Variants in UBE3A observed in about 807,000 individuals in gnomAD.
UBE3A encodes the protein ubiquitin-protein ligase E3A.
Under a neutral mutation model 83.4 loss-of-function variants are expected in UBE3A, and 6 were observed. The observed-to-expected ratio is 0.07, with a 90% CI of 0.04 to 0.14. The LOEUF is 0.14. Among genes scored for constraint, UBE3A ranks in the 10% least tolerant of loss-of-function variants. The probability of loss-of-function intolerance (pLI) is 1.00; values close to 1 mark genes in which losing one functional copy is unlikely to be tolerated. For synonymous variants in UBE3A, 337 were observed against 355.4 expected (o/e 0.95, Z 0.58); for missense variants, 456 against 1,036.1 (o/e 0.44, Z 7.69).
At chr15:25,363,589 G>A (rs2078492834) in intron 6 of UBE3A, among the ~76,000 whole-genome samples, 1 of 152,130 alleles carries the variant, frequency 6.6e-6, no homozygotes. Flanking sequence ...ACAGTAAGTT[G>A]TGGAACAGAG....
intron 4 of UBE3A, among the ~76,000 whole-genome samples, chr15:25,397,941 C>T (rs1376150404): frequency 6.6e-6 from 1 of 152,098 alleles, no homozygotes; most frequent in Non-Finnish European, 1.5e-5. Context: ...CTTTGTTAGA[C>T]ATACTAAAAC....
chr15:25,408,739 TGTTTA>T, intron 3 of UBE3A: 2 of 1,439,988 alleles, frequency 1.4e-6, no homozygotes, highest in Middle Eastern at 1.8e-4. Context: ...TCTAGAGAAA[TGTTTA>T]GTTAAAACGT....
rs576965112 is a variant in UBE3A at position 25,335,450 on chromosome 15, T to C, written c.*3687A>G. On this transcript the variant is annotated 3_prime_UTR_variant, in exon 13 of 13. Transcript: ENST00000648336. ...AATGAAAAGGATTGGAAGAGGGAGA[T>C]GAGAGTCAGGGAGTGAAATTAGGCA... is the stretch of plus-strand genomic sequence containing the variant. The C allele has an allele frequency of 4.6e-5, 7 of 151,936 alleles. No homozygotes were observed. Among genetic ancestry groups the C allele is most frequent in the African/African-American group, 1.7e-4 (7 of 41,398 alleles). The allele number at this position is 151,936 out of a possible 1,614,324, so 9.4% of individuals were successfully genotyped here. A position where few individuals can be genotyped will look rare whatever the true frequency, so the allele number is the denominator to read the frequency against.
intron 3 of UBE3A, chr15:25,408,556 A>T: frequency 6.2e-7 from 1 of 1,602,738 alleles, no homozygotes; most frequent in Non-Finnish European, 8.5e-7. Context: ...AGAAAATATG[A>T]TCACAAAACA....
In UBE3A at chr15:25,404,626, G is replaced by A. The variant is rs987934576; in HGVS notation, c.62+835C>T. 2.6e-5 allele frequency among the ~76,000 whole-genome samples: 4 copies of A among 151,944 alleles called. No individual in the cohort carries two copies. In the South Asian group the frequency reaches 8.3e-4, roughly 31 times the overall value. The stretch of plus-strand genomic sequence containing the variant: ...TGACTGAACTACCTTACCACCACAC[G>A]TTTCTCTTCAATCCTTTCTCTCTTG... On this transcript the variant is annotated intron_variant, in intron 4 of 12. Coordinates refer to ENST00000648336, the MANE Select transcript of UBE3A (RefSeq NM_130839.5).
chr15:25,388,065 T>C (rs2083505844), intron 4 of UBE3A, among the ~76,000 whole-genome samples: 1 of 152,140 alleles, frequency 6.6e-6, no homozygotes, highest in Non-Finnish European at 1.5e-5. Context: ...TTCTCTACAA[T>C]CTCCTTCAGA....
At chr15:25,348,064 C>T (rs547408280) in intron 11 of UBE3A, among the ~76,000 whole-genome samples, 223 of 151,758 alleles carry the variant, frequency 1.5e-3, no homozygotes, top group Non-Finnish European at 2.6e-3. Context: ...AATGGTTACA[C>T]TCATATCAGA....
intron 1 of UBE3A, among the ~76,000 whole-genome samples, chr15:25,429,297 A>T (rs1288012095): frequency 6.6e-6 from 1 of 152,184 alleles, no homozygotes; most frequent in East Asian, 1.9e-4. Flanking sequence ...GTTAAAAGTG[A>T]TTATATAACT....
At chr15:25,404,550 A>T (rs1030621603) in intron 4 of UBE3A, among the ~76,000 whole-genome samples, 1 of 152,154 alleles carries the variant, frequency 6.6e-6, no homozygotes, top group African/African-American at 2.4e-5. Context: ...TAAATCCAGA[A>T]AAATTTATTT....
intron 4 of UBE3A, among the ~76,000 whole-genome samples, chr15:25,385,541 C>T (rs941496790): frequency 9.9e-5 from 15 of 152,136 alleles, no homozygotes; most frequent in African/African-American, 3.4e-4. Context: ...ATGAAGGTCC[C>T]TCAAAAAATT....
At chr15:25,374,191 C>T (rs998343186) in intron 5 of UBE3A, 1 of 152,146 alleles carries the variant, frequency 6.6e-6, no homozygotes, top group Admixed American at 6.5e-5. Context: ...TATTAGAAAA[C>T]AGGGATAAGG....
chr15:25,427,402 G>GT (rs1356787656), intron 1 of UBE3A, among the ~76,000 whole-genome samples: 2 of 151,872 alleles, frequency 1.3e-5, no homozygotes, highest in Non-Finnish European at 2.9e-5. Flanking sequence ...AGCCTGTGTG[G>GT]TAAGATGGTA....
intron 4 of UBE3A, among the ~76,000 whole-genome samples, chr15:25,397,078 T>C (rs558535125): frequency 3.9e-5 from 6 of 152,290 alleles, no homozygotes; most frequent in Middle Eastern, 3.4e-3. Context: ...ACAAAAGTAA[T>C]TGAACAAACC....
At chr15:25,393,152 G>T (rs2084799143) in intron 4 of UBE3A, among the ~76,000 whole-genome samples, 1 of 152,034 alleles carries the variant, frequency 6.6e-6, no homozygotes, top group African/African-American at 2.4e-5. Context: ...AATGACTACT[G>T]TAATAGTCCG....
At position 25,346,415 on chromosome 15, in the gene UBE3A, A is replaced by T. The variant is rs548919410; in HGVS notation, c.2355-6187T>A. On this transcript the variant is annotated intron_variant, in intron 11 of 12. Transcript: ENST00000648336. Reference sequence around the variant, plus strand: ...CCTACATGCTATACCTTAACAGGTTACTACTGAAGTTAAAATTTTTAAAAA... The same window carrying T: ...CCTACATGCTATACCTTAACAGGTTTCTACTGAAGTTAAAATTTTTAAAAA... 1.1e-4 allele frequency: 17 copies of T among 152,210 alleles called. 1 individual carries two copies. Among genetic ancestry groups the T allele is most frequent in the African/African-American group, 3.9e-4 (16 of 41,496 alleles). 9.4% of individuals were successfully genotyped at this position (152,210 alleles called of 1,614,324 possible).
At chr15:25,356,923 A>G in intron 7 of UBE3A, 27 bp from the exon 8 acceptor site, 2 of 1,570,546 alleles carry the variant, frequency 1.3e-6, no homozygotes, top group Non-Finnish European at 8.8e-7. Context: ...TTAAAAATAC[A>G]TTACTTTTGT....
chr15:25,427,368 T>C (rs1027077515), intron 1 of UBE3A, among the ~76,000 whole-genome samples: 3 of 151,664 alleles, frequency 2.0e-5, no homozygotes, highest in South Asian at 2.1e-4. Context: ...AGAAGGAAGA[T>C]GGATAACTCA....
At chr15:25,367,225 A>ATATTTGTAAATATGTAAATATTTACC (rs2079368988) in intron 6 of UBE3A, among the ~76,000 whole-genome samples, 2 of 73,126 alleles carry the variant, frequency 2.7e-5, no homozygotes, top group South Asian at 3.8e-4. Context: ...AAATATTTAC[A>ATATTTGTAAATATGTAAATATTTACC]TATTTGTAAA....
intron 4 of UBE3A, among the ~76,000 whole-genome samples, chr15:25,390,916 A>G (rs561005903): frequency 3.0e-3 from 455 of 151,758 alleles, no homozygotes; most frequent in Non-Finnish European, 4.7e-3. Flanking sequence ...CTTCCTCTCA[A>G]TTCTGTGAAC....
Sources: allele counts gnomAD v4.1 joint callset (sites outside exome capture counted in the v4.1 genomes callset), GRCh38; gene constraint gnomAD v4.1.1; transcripts MANE v1.5; gene names NCBI Gene and HGNC (gene_info 2026-07-23, HGNC 2026-07-21).